The following TSNAX variants were observed in gnomAD, a reference collection of about 807,000 sequenced individuals.
TSNAX encodes the protein translin associated factor X.
Under a neutral mutation model 33.0 loss-of-function variants are expected in TSNAX, and 12 were observed. That is an observed-to-expected ratio of 0.36 (90% CI 0.23 to 0.59). The LOEUF is 0.59. TSNAX is among the 20% of genes least tolerant of loss of function. TSNAX has a pLI of 0.74. For missense variants in TSNAX, 267 were observed against 341.3 expected (o/e 0.78, Z 1.72); for synonymous variants, 110 against 117.2 (o/e 0.94, Z 0.40).
intron 1 of TSNAX, 99 bp downstream of exon 1, chr1:231,528,925 C>CG: frequency 6.6e-7 from 1 of 1,509,400 alleles, no homozygotes; most frequent in Admixed American, 1.7e-5. Context: ...AGGATGCCTT[C>CG]GTCCCTTGTA....
chr1:231,560,859 T>C (rs573969169), intron 4 of TSNAX, among the ~76,000 whole-genome samples: 1 of 151,670 alleles, frequency 6.6e-6, no homozygotes, highest in Non-Finnish European at 1.5e-5. Flanking sequence ...GGGGTTTTAC[T>C]GTGTTGGCCA....
At chr1:231,536,271 AAAT>A (rs1403922183) in intron 2 of TSNAX, 1 of 152,198 alleles carries the variant, frequency 6.6e-6, no homozygotes, top group African/African-American at 2.4e-5. Context: ...ATCTTTCTGA[AAAT>A]AATATTTCTG....
Position 231,565,979 on chromosome 1 carries a change from A to G in TSNAX, c.*1074A>G, listed in dbSNP as rs551204063. On this transcript the variant is annotated 3_prime_UTR_variant, in exon 6 of 6. Coordinates refer to ENST00000366639, the MANE Select transcript of TSNAX (RefSeq NM_005999.3). ...GTTATATACTTGTACATACAATGGA[A>G]ATGCTTTTAGTAGTGATTATTTAGC... is the stretch of plus-strand genomic sequence containing the variant. 3.3e-5 allele frequency: 5 copies of G among 152,114 alleles called. No homozygotes were observed. The highest frequency in any genetic ancestry group is 1.2e-4 in the African/African-American group (5 of 41,496). 9.4% of individuals were successfully genotyped at this position (152,114 alleles called of 1,614,324 possible). A position where few individuals can be genotyped will look rare whatever the true frequency, so the allele number is the denominator to read the frequency against.
chr1:231,550,952 TAAG>T (rs1207211146), intron 4 of TSNAX, among the ~76,000 whole-genome samples: 4 of 152,276 alleles, frequency 2.6e-5, no homozygotes, highest in South Asian at 2.1e-4. Flanking sequence ...TCTAAAAAAT[TAAG>T]AAATGATTTG....
At chr1:231,531,600 T>C (rs1235762332) in intron 2 of TSNAX, among the ~76,000 whole-genome samples, 1 of 152,208 alleles carries the variant, frequency 6.6e-6, no homozygotes, top group African/African-American at 2.4e-5. Flanking sequence ...GAATACATAT[T>C]GATTATCTTA....
At position 231,528,707 on chromosome 1, in the gene TSNAX, T is replaced by G. The variant is rs544675204; in HGVS notation, c.-104T>G. 5.1e-5 allele frequency: 72 copies of G among 1,419,296 alleles called. 1 individual carries two copies. In the Admixed American group the frequency reaches 8.5e-4, roughly 17 times the overall value. The allele number at this position is 1,419,296 out of a possible 1,614,324, so 87.9% of individuals were successfully genotyped here. On this transcript the variant is annotated 5_prime_UTR_variant, in exon 1 of 6. Coordinates refer to ENST00000366639, the MANE Select transcript of TSNAX (RefSeq NM_005999.3). The stretch of plus-strand genomic sequence containing the variant: ...TGTAGTCGGCCCGGCTGCAAAGCGT[T>G]TTTCTGCAGGCTGTTTTCCCAGGTT...
chr1:231,561,171 C>T lies in TSNAX; in HGVS notation c.411C>T (p.Ile137=), dbSNP rs1456259021. Residue 137 remains isoleucine (I), a synonymous_variant, in exon 5 of 6, where the codon ATC becomes ATT. Coordinates refer to ENST00000366639, the MANE Select transcript of TSNAX (RefSeq NM_005999.3). ...YVEAVSFQHF[I]KTRSLISMDE... is the part of the protein sequence containing the mutation. ...AAGCTGTCTCTTTTCAACACTTCATCAAAACACGATCATTAATTAGTATGG... is the reference window on the plus strand; with the variant it reads ...AAGCTGTCTCTTTTCAACACTTCATTAAAACACGATCATTAATTAGTATGG... 6.2e-7 allele frequency: 1 copy of T among 1,609,844 alleles called. No homozygotes were observed. Among genetic ancestry groups the T allele is most frequent in the South Asian group, 1.1e-5 (1 of 90,130 alleles).
At chr1:231,549,812 G>A (rs943049646) in intron 4 of TSNAX, among the ~76,000 whole-genome samples, 3 of 152,182 alleles carry the variant, frequency 2.0e-5, no homozygotes, top group South Asian at 2.1e-4. Context: ...AGCCAAAGGT[G>A]CACCGATTCC....
chr1:231,560,713 C>T (rs574921519), intron 4 of TSNAX, among the ~76,000 whole-genome samples: 22 of 149,932 alleles, frequency 1.5e-4, no homozygotes, highest in African/African-American at 5.2e-4. Flanking sequence ...CCACCGTGCC[C>T]GGCCAGAATA....
rs1402460886 is a variant in TSNAX, at chr1:231,566,488, C to T, written c.*1583C>T. 6.6e-6 allele frequency: 1 copy of T among 152,224 alleles called. No individual in the cohort carries two copies. The highest frequency in any genetic ancestry group is 1.9e-4 in the East Asian group (1 of 5,182). The allele number at this position is 152,224 out of a possible 1,614,324, so 9.4% of individuals were successfully genotyped here. On this transcript the variant is annotated 3_prime_UTR_variant, in exon 6 of 6. Transcript: ENST00000366639. ...TTGAAAATGTAATTTTCCAGAAAAA[C>T]ACCTAAAGAAAATAAAACATGGACA...
At chr1:231,560,623 G>A (rs1055155732) in intron 4 of TSNAX, among the ~76,000 whole-genome samples, 1 of 149,880 alleles carries the variant, frequency 6.7e-6, no homozygotes, top group Non-Finnish European at 1.5e-5. Context: ...TCGCCATGTT[G>A]GCCAGGATGG....
Position 231,542,737 on chromosome 1 carries a change from A to G in TSNAX, c.367+126A>G. Reference sequence around the variant, plus strand: ...TAATACTGGCTTTTAAAGAACTGCAACTTTGTAGTAATATAGAAGTAATCC... The same window carrying G: ...TAATACTGGCTTTTAAAGAACTGCAGCTTTGTAGTAATATAGAAGTAATCC... On this transcript the variant is annotated intron_variant, in intron 4 of 5. Coordinates refer to ENST00000366639, the MANE Select transcript of TSNAX (RefSeq NM_005999.3). The G allele has an allele frequency of 2.6e-6, 3 of 1,148,204 alleles. No individual in the cohort carries two copies. In the South Asian group the frequency reaches 4.9e-5, roughly 19 times the overall value. 71.1% of individuals were successfully genotyped at this position (1,148,204 alleles called of 1,614,324 possible). A position where few individuals can be genotyped will look rare whatever the true frequency, so the allele number is the denominator to read the frequency against.
chr1:231,537,160 T>C, intron 2 of TSNAX, 53 bp from the exon 3 acceptor site: 1 of 1,354,798 alleles, frequency 7.4e-7, no homozygotes, highest in Admixed American at 2.0e-5. Flanking sequence ...AAATATTGTT[T>C]GGTAGGCTTT....
Position 231,554,874 on chromosome 1 carries a change from G to C in TSNAX, c.368-6254G>C, listed in dbSNP as rs149238073. 2.0e-5 allele frequency among the ~76,000 whole-genome samples: 3 copies of C among 152,280 alleles called. No homozygotes were observed. In the East Asian group the frequency reaches 5.8e-4, roughly 29 times the overall value. On this transcript the variant is annotated intron_variant, in intron 4 of 5. Transcript: ENST00000366639. ...CTTTCACTATTTACTGTGTGACTTG[G>C]CTGAATTTCTTAACTTCTCTATGCC...
At chr1:231,551,070 A>C (rs1329919887) in intron 4 of TSNAX, among the ~76,000 whole-genome samples, 5 of 152,188 alleles carry the variant, frequency 3.3e-5, no homozygotes, top group African/African-American at 1.2e-4. Flanking sequence ...AATATATTTA[A>C]AATTTGGGAT....
chr1:231,565,119 A>C lies in TSNAX; in HGVS notation c.*214A>C. On this transcript the variant is annotated 3_prime_UTR_variant, in exon 6 of 6. Transcript: ENST00000366639. ...TGAAAGTTTGCATACAGATGTTTGC[A>C]TATATGCCTTTTTGAATTTTTGCTG... 3.6e-6 allele frequency: 2 copies of C among 548,566 alleles called. No homozygotes were observed. The highest frequency in any genetic ancestry group is 6.0e-6 in the Non-Finnish European group (2 of 333,064). 34.0% of individuals were successfully genotyped at this position (548,566 alleles called of 1,614,324 possible).
intron 2 of TSNAX, chr1:231,534,373 G>A (rs1345583049): frequency 1.3e-5 from 2 of 152,170 alleles, no homozygotes; most frequent in Non-Finnish European, 2.9e-5. Context: ...AGAAAGGCAA[G>A]GTGGGCAGAC....
intron 4 of TSNAX, among the ~76,000 whole-genome samples, chr1:231,559,994 T>G (rs1660949439): frequency 6.6e-6 from 1 of 150,610 alleles, no homozygotes. Flanking sequence ...TATTTTTTTT[T>G]TTTTGCGACG....
intron 3 of TSNAX, among the ~76,000 whole-genome samples, chr1:231,538,949 AG>A: frequency 6.6e-6 from 1 of 151,924 alleles, no homozygotes; most frequent in South Asian, 2.1e-4. Flanking sequence ...AAAAAAAAAA[AG>A]ATACTGAAGT....
Sources: allele counts gnomAD v4.1 joint callset (sites outside exome capture counted in the v4.1 genomes callset), GRCh38; gene constraint gnomAD v4.1.1; transcripts MANE v1.5; gene names NCBI Gene and HGNC (gene_info 2026-07-23, HGNC 2026-07-21).